The following POTEF variants were observed in gnomAD, a reference collection of about 807,000 sequenced individuals.
POTEF encodes POTE ankyrin domain family member F.
A neutral mutation model predicts 83.2 loss-of-function variants in POTEF; 20 were observed. The ratio of observed to expected loss-of-function variants is 0.24; its 90% CI spans 0.17 to 0.35. POTEF has a LOEUF of 0.35. Among genes scored for constraint, POTEF ranks in the 10% least tolerant of loss-of-function variants. The pLI is 1.00. For synonymous variants in POTEF, 196 were observed against 446.4 expected, an observed-to-expected ratio of 0.44 and a Z score of 7.07; for missense variants, 550 against 1,203.2, an observed-to-expected ratio of 0.46 and a Z score of 8.03.
chr2:130,106,178 G>A (rs887501870), intron 8 of POTEF, among the ~76,000 whole-genome samples: 17 of 150,554 alleles, frequency 1.1e-4, no homozygotes, highest in Non-Finnish European at 1.8e-4. Flanking sequence ...GGGAAAAGTG[G>A]GATCCTAGGA....
chr2:130,123,456 C>CCT (rs1281946022), intron 2 of POTEF, among the ~76,000 whole-genome samples: 1 of 151,932 alleles, frequency 6.6e-6, no homozygotes, highest in Non-Finnish European at 1.5e-5. Context: ...GCACAAACTC[C>CCT]CTCTCTCATG....
At chr2:130,110,771 G>C in intron 6 of POTEF, 91 bp from the exon 7 acceptor site, 1 of 860,438 alleles carries the variant, frequency 1.2e-6, no homozygotes, top group Non-Finnish European at 1.5e-6. Flanking sequence ...TGTCTGTGCA[G>C]AATCAAACAT....
At chr2:130,128,285 C>G (rs1334834324) in intron 1 of POTEF, among the ~76,000 whole-genome samples, 2 of 151,686 alleles carry the variant, frequency 1.3e-5, no homozygotes, top group African/African-American at 4.9e-5. Context: ...GAGGTGCAGG[C>G]CGGAGAACCG....
intron 5 of POTEF, among the ~76,000 whole-genome samples, chr2:130,113,067 A>G (rs959213411): frequency 2.7e-5 from 4 of 146,814 alleles, no homozygotes; most frequent in Admixed American, 1.3e-4. Context: ...TATTCATTTT[A>G]ATGTCTCAAC....
intron 15 of POTEF, among the ~76,000 whole-genome samples, chr2:130,080,410 A>G (rs902551032): frequency 1.4e-5 from 1 of 69,172 alleles, no homozygotes. Flanking sequence ...GAATTTAAAA[A>G]CACAGAATAT....
intron 3 of POTEF, among the ~76,000 whole-genome samples, chr2:130,116,115 T>C (rs1684837450): frequency 6.6e-6 from 1 of 152,018 alleles, no homozygotes; most frequent in African/African-American, 2.4e-5. Context: ...AAAGCTGAGG[T>C]GAAAACAAAA....
intron 8 of POTEF, among the ~76,000 whole-genome samples, chr2:130,103,681 A>C (rs531691350): frequency 6.6e-6 from 1 of 150,960 alleles, no homozygotes; most frequent in Non-Finnish European, 1.5e-5. Flanking sequence ...TTTAAAAAGA[A>C]TTAAAATAAA....
chr2:130,110,476 A>C, intron 7 of POTEF, 67 bp downstream of exon 7: 1 of 1,229,410 alleles, frequency 8.1e-7, no homozygotes, highest in Non-Finnish European at 1.1e-6. Context: ...GATATGTGAG[A>C]TGCAACTGTT....
intron 3 of POTEF, among the ~76,000 whole-genome samples, chr2:130,117,503 A>G (rs926181410): frequency 1.3e-5 from 2 of 152,014 alleles, no homozygotes; most frequent in African/African-American, 2.4e-5. Context: ...AAGTTTGATT[A>G]TATTTTCTAC....
chr2:130,093,138 A>G (rs1050588297), intron 12 of POTEF, among the ~76,000 whole-genome samples: 1 of 142,754 alleles, frequency 7.0e-6, no homozygotes, highest in Non-Finnish European at 1.5e-5. Context: ...ATGAGAATCT[A>G]ATGCCTGATG....
chr2:130,088,919 T>TTC (rs1230219377), intron 12 of POTEF, among the ~76,000 whole-genome samples: 2 of 152,362 alleles, frequency 1.3e-5, no homozygotes, highest in African/African-American at 4.8e-5. Context: ...TCTTCCTTGA[T>TTC]TCTGCATGTC....
At chr2:130,107,528 T>C (rs1323765685) in intron 8 of POTEF, among the ~76,000 whole-genome samples, 1 of 150,808 alleles carries the variant, frequency 6.6e-6, no homozygotes. Context: ...CAGGAGGAGG[T>C]GAGCAGCAGG....
chr2:130,126,516 C>G (rs530133474), intron 2 of POTEF, among the ~76,000 whole-genome samples: 1 of 152,196 alleles, frequency 6.6e-6, no homozygotes, highest in South Asian at 2.1e-4. Flanking sequence ...ACTTACAACG[C>G]ATTAGCCCAT....
At chr2:130,087,581 T>G (rs1416584390) in intron 13 of POTEF, among the ~76,000 whole-genome samples, 5 of 100,600 alleles carry the variant, frequency 5.0e-5, no homozygotes, top group Non-Finnish European at 7.7e-5. Flanking sequence ...TTGATTCTTC[T>G]GTTAATAAGG....
Position 130,126,719 on chromosome 2 carries a change from C to T in POTEF, c.-94+990G>A, listed in dbSNP as rs552567691. 9.3e-4 allele frequency among the ~76,000 whole-genome samples: 141 copies of T among 152,000 alleles called. 1 individual carries two copies. Among genetic ancestry groups the T allele is most frequent in the African/African-American group, 3.3e-3 (138 of 41,346 alleles). Reference sequence around the variant, plus strand: ...AACTAATTATACAACTGATTTTTTTCCTCATCCCTAAAACATAGTAAAGGA... The same window carrying T: ...AACTAATTATACAACTGATTTTTTTTCTCATCCCTAAAACATAGTAAAGGA... On this transcript the variant is annotated intron_variant, in intron 2 of 16. Coordinates refer to ENST00000409914, the MANE Select transcript of POTEF (RefSeq NM_001099771.2).
At chr2:130,128,787 G>A (rs1255012178) in intron 1 of POTEF, among the ~76,000 whole-genome samples, 1 of 132,774 alleles carries the variant, frequency 7.5e-6, no homozygotes. Context: ...ACCACTCCCT[G>A]CCCCGGGCAG....
intron 3 of POTEF, among the ~76,000 whole-genome samples, chr2:130,119,194 C>T (rs1208308144): frequency 4.7e-5 from 7 of 148,914 alleles, no homozygotes; most frequent in South Asian, 2.1e-4. Flanking sequence ...AACGGAGTCT[C>T]GCTCTGTTGC....
chr2:130,090,745 C>A (rs1293623546), intron 12 of POTEF, among the ~76,000 whole-genome samples: 1 of 142,774 alleles, frequency 7.0e-6, no homozygotes, highest in Non-Finnish European at 1.5e-5. Flanking sequence ...AAAGGCATAA[C>A]GAAGGCCAAC....
At chr2:130,118,718 T>C (rs957958051) in intron 3 of POTEF, among the ~76,000 whole-genome samples, 6 of 151,522 alleles carry the variant, frequency 4.0e-5, no homozygotes, top group African/African-American at 7.3e-5. Context: ...TATATAAATA[T>C]ATATCTGCAT....
Sources: allele counts gnomAD v4.1 joint callset (sites outside exome capture counted in the v4.1 genomes callset), GRCh38; gene constraint gnomAD v4.1.1; transcripts MANE v1.5; gene names NCBI Gene and HGNC (gene_info 2026-07-23, HGNC 2026-07-21).